ZBTB44: variants seen among roughly 807,000 people sequenced by gnomAD.
ZBTB44 encodes zinc finger and BTB domain-containing protein 44.
A neutral mutation model predicts 54.0 loss-of-function variants in ZBTB44; 15 were observed. That is an observed-to-expected ratio of 0.28 (90% CI 0.19 to 0.43). The LOEUF is 0.43. Among genes scored for constraint, ZBTB44 ranks in the 20% least tolerant of loss-of-function variants. ZBTB44 has a pLI of 1.00. For missense variants in ZBTB44, 487 were observed against 707.1 expected (o/e 0.69, Z 3.53); for synonymous variants, 230 against 250.1 (o/e 0.92, Z 0.76).
At position 130,284,756 on chromosome 11, in the gene ZBTB44, C is replaced by T. The variant is rs866176180; in HGVS notation, c.-56-22827G>A. On this transcript the variant is annotated intron_variant, in intron 1 of 7. Transcript: ENST00000357899. ...TGGCACGTGCCTGTAATCCCAGCTA[C>T]TCTGGAGACTGAGGCAGAAGAATCG... Among the ~76,000 whole-genome samples, 15 of 152,236 alleles carry T rather than the reference C, an allele frequency of 9.9e-5. No homozygotes were observed. The Middle Eastern group carries it at 0.01, about 104-fold the overall frequency.
At chr11:130,273,585 T>C (rs755410511) in intron 1 of ZBTB44, among the ~76,000 whole-genome samples, 116 of 152,290 alleles carry the variant, frequency 7.6e-4, no homozygotes, top group Non-Finnish European at 1.5e-3. Flanking sequence ...ACTGCTAGAA[T>C]TACAGGCATG....
At chr11:130,273,841 G>C (rs1436952488) in intron 1 of ZBTB44, among the ~76,000 whole-genome samples, 1 of 152,100 alleles carries the variant, frequency 6.6e-6, no homozygotes, top group Non-Finnish European at 1.5e-5. Context: ...GGCTGAGGCA[G>C]GTGGATCACT....
intron 2 of ZBTB44, among the ~76,000 whole-genome samples, chr11:130,254,049 C>T (rs1200860925): frequency 6.6e-6 from 1 of 152,164 alleles, no homozygotes; most frequent in Non-Finnish European, 1.5e-5. Context: ...CTTCCTTACA[C>T]ATTATACAAA....
intron 1 of ZBTB44, among the ~76,000 whole-genome samples, chr11:130,277,996 T>C (rs1279799247): frequency 6.6e-6 from 1 of 152,218 alleles, no homozygotes; most frequent in Non-Finnish European, 1.5e-5. Flanking sequence ...GTGGTTCCAT[T>C]TTGAGTGAGT....
At chr11:130,280,235 GAGAC>G (rs1940407534) in intron 1 of ZBTB44, among the ~76,000 whole-genome samples, 1 of 152,112 alleles carries the variant, frequency 6.6e-6, no homozygotes, top group Non-Finnish European at 1.5e-5. Flanking sequence ...TGAAAACACA[GAGAC>G]AGCACGAGGA....
At chr11:130,247,443 T>G (rs1949639848) in intron 2 of ZBTB44, among the ~76,000 whole-genome samples, 1 of 152,254 alleles carries the variant, frequency 6.6e-6, no homozygotes. Context: ...AGGTTTGTTT[T>G]GTTTTCCTAG....
At chr11:130,248,101 T>G (rs1244577998) in intron 2 of ZBTB44, among the ~76,000 whole-genome samples, 1 of 152,192 alleles carries the variant, frequency 6.6e-6, no homozygotes, top group East Asian at 1.9e-4. Flanking sequence ...ATATTTTCTA[T>G]CCCTAGAAAG....
intron 5 of ZBTB44, among the ~76,000 whole-genome samples, chr11:130,235,604 G>A (rs750506803): frequency 9.9e-5 from 15 of 151,874 alleles, no homozygotes; most frequent in Non-Finnish European, 2.1e-4. Context: ...CACTATGATT[G>A]TGTCTATGAA....
Position 130,234,169 on chromosome 11 carries a change from G to C in ZBTB44, c.1673C>G (p.Pro558Arg), listed in dbSNP as rs557613968. The C allele has an allele frequency of 3.2e-6, 5 of 1,544,196 alleles. No individual in the cohort carries two copies. The East Asian group carries it at 9.8e-5, about 30-fold the overall frequency. ...GFESNSSVQMPVISQYHSKGK... is the reference protein window; with the variant it reads ...GFESNSSVQMRVISQYHSKGK... ...GGTTGAGGAGACCTGTGAAATGACA[G>C]GCATTTGAACAGAGGAGTTGCTTTC... The change falls in exon 6 of 8, where the codon CCT (proline) becomes CGT (arginine). Residue 558 changes from proline (P) to arginine (R), a missense_variant. Physicochemically the swap from Pro to Arg is moderately radical, Grantham distance 103. Coordinates refer to ENST00000357899, the MANE Select transcript of ZBTB44 (RefSeq NM_001301098.2).
At chr11:130,242,243 A>G (rs76121472) in intron 2 of ZBTB44, among the ~76,000 whole-genome samples, 6,385 of 152,320 alleles carry the variant, frequency 0.042, 333 homozygotes, top group African/African-American at 0.12. Context: ...ACCAAAGTCT[A>G]AAGTTAAAAC....
At chr11:130,277,541 C>T (rs576631986) in intron 1 of ZBTB44, among the ~76,000 whole-genome samples, 7 of 150,414 alleles carry the variant, frequency 4.7e-5, no homozygotes, top group African/African-American at 1.5e-4. Flanking sequence ...TGTGCTGTTA[C>T]TGGCAGATAT....
chr11:130,248,825 T>A (rs1428120266), intron 2 of ZBTB44, among the ~76,000 whole-genome samples: 2 of 152,006 alleles, frequency 1.3e-5, no homozygotes, highest in Admixed American at 1.3e-4. Context: ...CATAAAGGGC[T>A]GGGTGCAGTA....
At chr11:130,272,732 C>T (rs1351463999) in intron 1 of ZBTB44, among the ~76,000 whole-genome samples, 2 of 148,600 alleles carry the variant, frequency 1.3e-5, no homozygotes, top group Non-Finnish European at 3.0e-5. Flanking sequence ...GGCCTTTAAC[C>T]TATTTTGAGT....
chr11:130,296,651 G>A (rs1186023003), intron 1 of ZBTB44: 6 of 950,690 alleles, frequency 6.3e-6, no homozygotes, highest in Non-Finnish European at 1.0e-5. Context: ...AGAATAATTG[G>A]GTTTTCTTCT....
At chr11:130,291,312 T>C (rs928089006) in intron 1 of ZBTB44, among the ~76,000 whole-genome samples, 29 of 152,172 alleles carry the variant, frequency 1.9e-4, no homozygotes, top group African/African-American at 6.5e-4. Flanking sequence ...CTAATTTTTG[T>C]ATTTTTAGTA....
chr11:130,262,054 C>T, intron 1 of ZBTB44, 125 bp from the exon 2 acceptor site: 1 of 688,610 alleles, frequency 1.5e-6, no homozygotes, highest in Non-Finnish European at 2.4e-6. Flanking sequence ...AGAGAAACTT[C>T]AAGGTAGGGA....
At chr11:130,296,330 C>G (rs563985940) in intron 1 of ZBTB44, 1 of 1,521,874 alleles carries the variant, frequency 6.6e-7, no homozygotes, top group Admixed American at 2.0e-5. Flanking sequence ...GAAAGAAGCT[C>G]GTGGTCTTCT....
At chr11:130,255,442 T>A (rs377220069) in intron 2 of ZBTB44, among the ~76,000 whole-genome samples, 3 of 152,150 alleles carry the variant, frequency 2.0e-5, no homozygotes, top group East Asian at 1.9e-4. Context: ...AATGCTCACA[T>A]CAGAAAGTGG....
intron 7 of ZBTB44, chr11:130,232,107 A>C (rs776474330): frequency 6.6e-6 from 1 of 152,214 alleles, no homozygotes; most frequent in Non-Finnish European, 1.5e-5. Context: ...AAACAGTTCT[A>C]AGGAATTTAA....
Sources: allele counts gnomAD v4.1 joint callset (sites outside exome capture counted in the v4.1 genomes callset), GRCh38; gene constraint gnomAD v4.1.1; transcripts MANE v1.5; gene names NCBI Gene and HGNC (gene_info 2026-07-23, HGNC 2026-07-21).